GABRB1: variants seen among roughly 807,000 people sequenced by gnomAD.
GABRB1 encodes gamma-aminobutyric acid receptor subunit beta-1.
A neutral mutation model predicts 51.6 loss-of-function variants in GABRB1; 17 were observed. The observed-to-expected ratio is 0.33, with a 90% CI of 0.23 to 0.49. The LOEUF is 0.49. Among genes scored for constraint, GABRB1 ranks in the 20% least tolerant of loss-of-function variants. The probability of loss-of-function intolerance (pLI) is 0.99; values close to 1 mark genes in which losing one functional copy is unlikely to be tolerated. For synonymous variants in GABRB1, 247 were observed against 218.9 expected, an observed-to-expected ratio of 1.13 and a Z score of -1.14; for missense variants, 410 against 600.6, an observed-to-expected ratio of 0.68 and a Z score of 3.32.
At chr4:47,356,295 G>A (rs918525843) in intron 5 of GABRB1, among the ~76,000 whole-genome samples, 14 of 152,232 alleles carry the variant, frequency 9.2e-5, no homozygotes, top group African/African-American at 2.9e-4. Context: ...TGAGCAAATA[G>A]ACATATATTG....
intron 4 of GABRB1, among the ~76,000 whole-genome samples, chr4:47,161,943 A>G (rs1248214922): frequency 2.0e-5 from 3 of 152,090 alleles, no homozygotes; most frequent in Non-Finnish European, 4.4e-5. Flanking sequence ...CCAATGCCCC[A>G]AAACAATATA....
intron 5 of GABRB1, among the ~76,000 whole-genome samples, chr4:47,359,423 C>T (rs1265485800): frequency 1.3e-5 from 2 of 152,202 alleles, no homozygotes; most frequent in African/African-American, 4.8e-5. Context: ...AGTGCTTATA[C>T]ATACATCAGT....
At chr4:47,219,700 C>T (rs1192297229) in intron 4 of GABRB1, among the ~76,000 whole-genome samples, 2 of 151,822 alleles carry the variant, frequency 1.3e-5, no homozygotes, top group African/African-American at 4.8e-5. Context: ...TGTGTCATCT[C>T]CATTTTATTC....
At position 47,333,190 on chromosome 4, in the gene GABRB1, TTATTTATATATATATATATATA is replaced by T. The variant is rs1380733193; in HGVS notation, c.544+12985_544+13006del. 4.2e-4 allele frequency among the ~76,000 whole-genome samples: 35 copies of T among 83,468 alleles called. 2 individuals carry two copies. Among genetic ancestry groups the T allele is most frequent in the Middle Eastern group, 5.4e-3 (1 of 184 alleles). 54.8% of individuals were successfully genotyped at this position (83,468 alleles called of 152,430 possible). ...TATACATATATATTTAAAACCCATT[TTATTTATATATATATATATATA>T]TATATATATATATATATATATATAC... On this transcript the variant is annotated intron_variant, in intron 5 of 8. Coordinates refer to ENST00000295454, the MANE Select transcript of GABRB1 (RefSeq NM_000812.4).
intron 4 of GABRB1, among the ~76,000 whole-genome samples, chr4:47,169,850 C>G (rs377598534): frequency 1.3e-5 from 2 of 152,244 alleles, no homozygotes; most frequent in East Asian, 3.9e-4. Context: ...TCTACACTCT[C>G]AGCCCTGGCA....
At chr4:47,259,281 T>C (rs1722333666) in intron 4 of GABRB1, among the ~76,000 whole-genome samples, 1 of 152,136 alleles carries the variant, frequency 6.6e-6, no homozygotes, top group Admixed American at 6.6e-5. Flanking sequence ...AGTTTAATGA[T>C]TTGGGTGATC....
intron 3 of GABRB1, among the ~76,000 whole-genome samples, chr4:47,096,142 T>C (rs1024206481): frequency 1.3e-5 from 2 of 152,216 alleles, no homozygotes; most frequent in Non-Finnish European, 2.9e-5. Context: ...CTCCTCCTTT[T>C]GTGCTCATAC....
chr4:47,273,146 T>C (rs189343359), intron 4 of GABRB1, among the ~76,000 whole-genome samples: 2 of 152,322 alleles, frequency 1.3e-5, no homozygotes, highest in Non-Finnish European at 1.5e-5. Context: ...CCTCCCTGTT[T>C]AATATATGCC....
At chr4:47,189,773 T>G (rs1452701908) in intron 4 of GABRB1, among the ~76,000 whole-genome samples, 1 of 152,012 alleles carries the variant, frequency 6.6e-6, no homozygotes, top group Non-Finnish European at 1.5e-5. Flanking sequence ...TTTATTCACC[T>G]TTCTTTCCCC....
chr4:47,420,528 A>G (rs1729060258), intron 8 of GABRB1, among the ~76,000 whole-genome samples: 1 of 152,178 alleles, frequency 6.6e-6, no homozygotes, highest in Non-Finnish European at 1.5e-5. Flanking sequence ...TTCTGCCTCA[A>G]GGTTTAAAAA....
chr4:47,121,014 G>A (rs1389109862), intron 3 of GABRB1, among the ~76,000 whole-genome samples: 1 of 152,162 alleles, frequency 6.6e-6, no homozygotes, highest in Non-Finnish European at 1.5e-5. Context: ...CTGAGCCCAG[G>A]ACAGCACTAA....
At chr4:47,224,492 A>C (rs527979052) in intron 4 of GABRB1, among the ~76,000 whole-genome samples, 8 of 152,236 alleles carry the variant, frequency 5.3e-5, no homozygotes, top group African/African-American at 1.4e-4. Flanking sequence ...ATTTAAAAGG[A>C]GAAATCACAG....
intron 5 of GABRB1, among the ~76,000 whole-genome samples, chr4:47,350,106 A>C (rs1423357277): frequency 1.4e-5 from 2 of 145,222 alleles, no homozygotes; most frequent in African/African-American, 2.8e-5. Flanking sequence ...TTAATATTTG[A>C]AAAAATATAT....
At chr4:47,341,502 C>G (rs1037790289) in intron 5 of GABRB1, among the ~76,000 whole-genome samples, 1 of 152,116 alleles carries the variant, frequency 6.6e-6, no homozygotes, top group African/African-American at 2.4e-5. Context: ...TGGGACACAA[C>G]AAAGAGCAAT....
chr4:47,394,747 C>A (rs893630867), intron 5 of GABRB1, among the ~76,000 whole-genome samples: 1 of 151,856 alleles, frequency 6.6e-6, no homozygotes, highest in African/African-American at 2.4e-5. Context: ...AAAAAAAGTC[C>A]ATGGGAGAAA....
intron 4 of GABRB1, among the ~76,000 whole-genome samples, chr4:47,267,280 T>C (rs1722673628): frequency 5.3e-5 from 8 of 152,174 alleles, no homozygotes; most frequent in Admixed American, 5.2e-4. Flanking sequence ...AAATGGTATG[T>C]TGTTTTTAAA....
chr4:47,107,875 A>T (rs988452847), intron 3 of GABRB1, among the ~76,000 whole-genome samples: 7 of 152,092 alleles, frequency 4.6e-5, no homozygotes, highest in African/African-American at 1.7e-4. Context: ...TTTAGATAGT[A>T]TCACTTAATC....
At chr4:47,089,830 A>G (rs1237368529) in intron 3 of GABRB1, among the ~76,000 whole-genome samples, 1 of 152,180 alleles carries the variant, frequency 6.6e-6, no homozygotes, top group East Asian at 1.9e-4. Context: ...ATAGAATATT[A>G]TTAAGAAAAT....
chr4:47,363,859 A>T (rs1432685713), intron 5 of GABRB1, among the ~76,000 whole-genome samples: 2 of 152,166 alleles, frequency 1.3e-5, no homozygotes, highest in Non-Finnish European at 2.9e-5. Context: ...TAAACAGAAG[A>T]TCATAAAAGA....
Sources: allele counts gnomAD v4.1 joint callset (sites outside exome capture counted in the v4.1 genomes callset), GRCh38; gene constraint gnomAD v4.1.1; transcripts MANE v1.5; gene names NCBI Gene and HGNC (gene_info 2026-07-23, HGNC 2026-07-21).